Variants in PDE3A observed in about 807,000 individuals in gnomAD.
The protein encoded by PDE3A is phosphodiesterase 3A.
Under a neutral mutation model 98.3 loss-of-function variants are expected in PDE3A, and 43 were observed. The observed-to-expected ratio is 0.44, with a 90% CI of 0.34 to 0.56. The LOEUF (loss-of-function observed/expected upper bound fraction) is 0.56, where lower values mean the gene tolerates loss of function less well. PDE3A is among the 20% of genes least tolerant of loss of function. The probability of loss-of-function intolerance (pLI) is 0.01; values close to 1 mark genes in which losing one functional copy is unlikely to be tolerated. For missense variants in PDE3A, 1,427 were observed against 1,440.7 expected, an observed-to-expected ratio of 0.99 and a Z score of 0.15; for synonymous variants, 663 against 567.9, an observed-to-expected ratio of 1.17 and a Z score of -2.38.
intron 15 of PDE3A, among the ~76,000 whole-genome samples, chr12:20,655,405 A>G: frequency 6.6e-6 from 1 of 152,266 alleles, no homozygotes; most frequent in East Asian, 1.9e-4. Flanking sequence ...AGGGAGCAGC[A>G]GGAGAACTGG....
At chr12:20,383,111 A>T (rs867507790) in intron 1 of PDE3A, among the ~76,000 whole-genome samples, 1 of 151,840 alleles carries the variant, frequency 6.6e-6, no homozygotes, top group African/African-American at 2.4e-5. Flanking sequence ...AGAGATATTT[A>T]AAAAAATTGG....
At chr12:20,398,224 G>A (rs1452551725) in intron 1 of PDE3A, among the ~76,000 whole-genome samples, 1 of 151,374 alleles carries the variant, frequency 6.6e-6, no homozygotes, top group Non-Finnish European at 1.5e-5. Flanking sequence ...TGTGTGAGAG[G>A]AGGAATTATT....
chr12:20,641,525 G>A (rs182482370), intron 10 of PDE3A, among the ~76,000 whole-genome samples: 84 of 152,104 alleles, frequency 5.5e-4, no homozygotes, highest in African/African-American at 1.8e-3. Flanking sequence ...CTAATCACTA[G>A]ACTGAATTTC....
intron 1 of PDE3A, among the ~76,000 whole-genome samples, chr12:20,387,692 A>G (rs1412432525): frequency 6.6e-6 from 1 of 152,062 alleles, no homozygotes; most frequent in Non-Finnish European, 1.5e-5. Flanking sequence ...TATTTAAATT[A>G]GGATAGCTGA....
intron 15 of PDE3A, among the ~76,000 whole-genome samples, chr12:20,666,558 A>G (rs902222673): frequency 9.2e-5 from 14 of 152,090 alleles, no homozygotes; most frequent in African/African-American, 3.4e-4. Flanking sequence ...GACTTATTTC[A>G]TTTAACATAA....
Position 20,650,495 on chromosome 12 carries a change from G to T in PDE3A, c.2820G>T (p.Leu940=), listed in dbSNP as rs770467350. Reference sequence around the variant, plus strand: ...GGACCAATGAAAATGATCGTCTACTGGTTTGTCAAATGTGTATAAAGTTGG... The same window carrying T: ...GGACCAATGAAAATGATCGTCTACTTGTTTGTCAAATGTGTATAAAGTTGG... The part of the protein sequence containing the change: ...IDWTNENDRL[L]VCQMCIKLAD... Residue 940 remains leucine, a synonymous_variant, in exon 14 of 16, where the codon CTG becomes CTT. Transcript: ENST00000359062. 1 of 1,610,536 alleles carries T rather than the reference G, an allele frequency of 6.2e-7. No individual in the cohort carries two copies. Among genetic ancestry groups the T allele is most frequent in the South Asian group, 1.1e-5 (1 of 90,904 alleles).
chr12:20,651,120 TTAA>T (rs1565463432), intron 14 of PDE3A, among the ~76,000 whole-genome samples: 1 of 152,134 alleles, frequency 6.6e-6, no homozygotes, highest in Non-Finnish European at 1.5e-5. Context: ...TGTAAAAAAA[TTAA>T]TAAGAGCATT....
chr12:20,375,418 T>A (rs915117610), intron 1 of PDE3A, among the ~76,000 whole-genome samples: 1 of 152,014 alleles, frequency 6.6e-6, no homozygotes. Context: ...ATGTTTGTGC[T>A]GTTATTGATA....
chr12:20,415,683 C>T lies in PDE3A; in HGVS notation c.960+45439C>T, dbSNP rs1456043823. Among the ~76,000 whole-genome samples, 12 of 152,216 alleles carry T rather than the reference C, an allele frequency of 7.9e-5. No individual in the cohort carries two copies. The East Asian group carries it at 1.9e-3, about 25-fold the overall frequency. On this transcript the variant is annotated intron_variant, in intron 1 of 15. Coordinates refer to ENST00000359062, the MANE Select transcript of PDE3A (RefSeq NM_000921.5). ...AACTCCTGACCTCAGGTGATCTGCCCGCCTCGGCCTCCCAGAGTGCTAGGA... is the reference window on the plus strand; with the variant it reads ...AACTCCTGACCTCAGGTGATCTGCCTGCCTCGGCCTCCCAGAGTGCTAGGA...
chr12:20,487,777 G>A (rs770519243), intron 1 of PDE3A, among the ~76,000 whole-genome samples: 3 of 152,072 alleles, frequency 2.0e-5, no homozygotes, highest in Admixed American at 1.3e-4. Flanking sequence ...TGAGATTGCT[G>A]TCAGTTTCTA....
Position 20,654,057 on chromosome 12 carries a change from G to C in PDE3A, c.3036G>C (p.Leu1012=). ...TCATCTCTCACATTGTGGGGCCTCT[G>C]TGCAACTCCTATGATTCAGCAGGAC... ...ESFISHIVGP[L]CNSYDSAGLM... The change falls in exon 15 of 16, where the codon CTG becomes CTC. Residue 1012 remains leucine, a synonymous_variant. Transcript: ENST00000359062. The C allele has an allele frequency of 6.2e-7, 1 of 1,614,148 alleles. No individual in the cohort carries two copies. Among genetic ancestry groups the C allele is most frequent in the East Asian group, 2.2e-5 (1 of 44,854 alleles).
chr12:20,512,549 T>C lies in PDE3A; in HGVS notation c.961-44111T>C, dbSNP rs113729342. 2.0e-4 allele frequency among the ~76,000 whole-genome samples: 30 copies of C among 152,230 alleles called. 1 individual carries two copies. The highest frequency in any genetic ancestry group is 3.1e-4 in the African/African-American group (13 of 41,572). On this transcript the variant is annotated intron_variant, in intron 1 of 15. Transcript: ENST00000359062. Reference sequence around the variant, plus strand: ...AGGTAAAATAGTCAACATTTTACAATGTTATTGCTTGGGGTTTAGGAAATT... The same window carrying C: ...AGGTAAAATAGTCAACATTTTACAACGTTATTGCTTGGGGTTTAGGAAATT...
chr12:20,430,565 T>A (rs1194593775), intron 1 of PDE3A, among the ~76,000 whole-genome samples: 1 of 152,164 alleles, frequency 6.6e-6, no homozygotes, highest in African/African-American at 2.4e-5. Flanking sequence ...CAGGGTGCAT[T>A]ATTTTCCTAT....
Position 20,681,939 on chromosome 12 carries a change from A to T in PDE3A, c.*1668A>T, listed in dbSNP as rs1033023048. The T allele has an allele frequency of 2.0e-5, 3 of 152,192 alleles. No homozygotes were observed. Among genetic ancestry groups the T allele is most frequent in the Non-Finnish European group, 4.4e-5 (3 of 68,030 alleles). 9.4% of individuals were successfully genotyped at this position (152,192 alleles called of 1,614,324 possible). ...AAGGAAAAGGGAAACATTTTTATAA[A>T]GTTATATTTTAATCACCATTTTTAT... On this transcript the variant is annotated 3_prime_UTR_variant, in exon 16 of 16. Transcript: ENST00000359062.
rs141509785 is a variant in PDE3A, at chr12:20,554,203, A to C, written c.961-2457A>C. 4.6e-5 allele frequency among the ~76,000 whole-genome samples: 7 copies of C among 151,636 alleles called. No individual in the cohort carries two copies. The East Asian group carries it at 1.4e-3, about 29-fold the overall frequency. ...TTTTAAATCACATACCTGCAGACAA[A>C]CTGGAGCAATGTTATTTTTAAAGGG... is the stretch of plus-strand genomic sequence containing the variant. On this transcript the variant is annotated intron_variant, in intron 1 of 15. Transcript: ENST00000359062.
chr12:20,477,431 C>G (rs1023572713), intron 1 of PDE3A, among the ~76,000 whole-genome samples: 1 of 152,138 alleles, frequency 6.6e-6, no homozygotes, highest in Non-Finnish European at 1.5e-5. Context: ...CTCTAGCTTT[C>G]CAGTTGCTGA....
At chr12:20,407,771 C>T (rs1944259239) in intron 1 of PDE3A, among the ~76,000 whole-genome samples, 1 of 151,902 alleles carries the variant, frequency 6.6e-6, no homozygotes, top group Non-Finnish European at 1.5e-5. Context: ...ATATGTTTTT[C>T]ATAGTATAGA....
At chr12:20,431,220 G>T (rs1365430539) in intron 1 of PDE3A, among the ~76,000 whole-genome samples, 1 of 152,096 alleles carries the variant, frequency 6.6e-6, no homozygotes, top group African/African-American at 2.4e-5. Context: ...ATGAAATGAG[G>T]CTGTAGGGAG....
chr12:20,464,113 A>T (rs1003191423), intron 1 of PDE3A, among the ~76,000 whole-genome samples: 3 of 152,160 alleles, frequency 2.0e-5, no homozygotes, highest in African/African-American at 7.2e-5. Context: ...ATTATTCTGC[A>T]CTTGCCACTA....
Sources: gnomAD v4.1 joint callset for allele counts (sites outside exome capture counted in the v4.1 genomes callset) on GRCh38, gnomAD v4.1.1 for gene constraint, MANE v1.5 for transcripts, NCBI Gene and HGNC (gene_info 2026-07-23, HGNC 2026-07-21) for gene names.